Variants in CIB4 observed in about 807,000 individuals in gnomAD.
CIB4 encodes the protein calcium and integrin binding family member 4.
In CIB4, 25 loss-of-function variants were observed where a neutral mutation model predicts 25.8. The ratio of observed to expected loss-of-function variants is 0.97; its 90% CI spans 0.71 to 1.35. The LOEUF (loss-of-function observed/expected upper bound fraction) is 1.35. Ranked by LOEUF, CIB4 falls within the 40% of genes most tolerant of loss-of-function variation. CIB4 has a pLI of 0.00. For missense variants in CIB4, 235 were observed against 228.2 expected (o/e 1.03, Z -0.19); for synonymous variants, 75 against 81.4 (o/e 0.92, Z 0.42).
chr2:26,611,747 GC>G (rs1668999485), intron 3 of CIB4, among the ~76,000 whole-genome samples: 1 of 152,220 alleles, frequency 6.6e-6, no homozygotes, highest in Admixed American at 6.5e-5. Flanking sequence ...TTAATGTCCA[GC>G]CATGAGGAGA....
At chr2:26,589,039 T>TTCCTCTTCC (rs1668517790) in intron 4 of CIB4, among the ~76,000 whole-genome samples, 2 of 45,696 alleles carry the variant, frequency 4.4e-5, no homozygotes, top group African/African-American at 1.9e-4. Flanking sequence ...CTTCTTCTTC[T>TTCCTCTTCC]TCTTCTTCTT....
At chr2:26,629,125 T>C (rs1420941442) in intron 3 of CIB4, among the ~76,000 whole-genome samples, 1 of 152,112 alleles carries the variant, frequency 6.6e-6, no homozygotes, top group African/African-American at 2.4e-5. Flanking sequence ...CTGGAGCAGG[T>C]CTCATGCCCC....
chr2:26,624,846 A>G (rs188647802), intron 3 of CIB4, among the ~76,000 whole-genome samples: 2 of 151,448 alleles, frequency 1.3e-5, no homozygotes, highest in Non-Finnish European at 2.9e-5. Flanking sequence ...TGGTGTATAT[A>G]TATATATATT....
At chr2:26,597,160 A>G (rs958307500) in intron 3 of CIB4, among the ~76,000 whole-genome samples, 3 of 152,236 alleles carry the variant, frequency 2.0e-5, no homozygotes, top group African/African-American at 7.2e-5. Context: ...ACCTGGAAAT[A>G]TAGAAACAGA....
intron 3 of CIB4, among the ~76,000 whole-genome samples, chr2:26,604,888 G>A (rs1408351580): frequency 1.3e-5 from 2 of 152,116 alleles, no homozygotes; most frequent in Admixed American, 6.6e-5. Flanking sequence ...AAATCATTAA[G>A]GATATGAAAG....
At chr2:26,596,612 T>A (rs180867953) in intron 3 of CIB4, among the ~76,000 whole-genome samples, 2 of 152,124 alleles carry the variant, frequency 1.3e-5, no homozygotes, top group African/African-American at 4.8e-5. Flanking sequence ...CCGGGCGTGG[T>A]CGCGCATGCC....
At chr2:26,587,150 C>T (rs1668472942) in intron 4 of CIB4, among the ~76,000 whole-genome samples, 1 of 151,652 alleles carries the variant, frequency 6.6e-6, no homozygotes, top group Non-Finnish European at 1.5e-5. Context: ...ACTAAAAATA[C>T]AAAAAATTAG....
At chr2:26,639,390 C>T (rs1017546313) in intron 2 of CIB4, among the ~76,000 whole-genome samples, 1 of 151,446 alleles carries the variant, frequency 6.6e-6, no homozygotes, top group African/African-American at 2.4e-5. Context: ...TGTTCCCCTC[C>T]CTGTGTCCAT....
intron 3 of CIB4, among the ~76,000 whole-genome samples, chr2:26,597,335 A>C (rs1668699189): frequency 6.6e-6 from 1 of 152,134 alleles, no homozygotes; most frequent in African/African-American, 2.4e-5. Context: ...GAAAGCTTTT[A>C]ATTGGTGAAT....
At chr2:26,595,895 GCGCACA>G (rs1402493842) in intron 3 of CIB4, among the ~76,000 whole-genome samples, 3,167 of 148,516 alleles carry the variant, frequency 0.021, 121 homozygotes, top group African/African-American at 0.075. Context: ...ACTTATCTGC[GCGCACA>G]CACACACACA....
intron 3 of CIB4, among the ~76,000 whole-genome samples, chr2:26,620,012 C>T (rs1472831051): frequency 6.7e-6 from 1 of 149,844 alleles, no homozygotes; most frequent in African/African-American, 2.5e-5. Context: ...TCCCGGAATC[C>T]CCTACAGACT....
intron 4 of CIB4, among the ~76,000 whole-genome samples, chr2:26,591,292 G>C (rs1668581439): frequency 6.6e-6 from 1 of 152,236 alleles, no homozygotes; most frequent in Non-Finnish European, 1.5e-5. Flanking sequence ...GAAAACAGAA[G>C]GGAGAAACAG....
intron 4 of CIB4, among the ~76,000 whole-genome samples, chr2:26,592,337 G>T (rs1296055791): frequency 6.6e-6 from 1 of 152,224 alleles, no homozygotes; most frequent in Non-Finnish European, 1.5e-5. Context: ...CAACTCCCTG[G>T]ATGCATTGGG....
chr2:26,634,743 G>GCCATGGAGT (rs1294075528), intron 2 of CIB4, among the ~76,000 whole-genome samples: 1 of 152,212 alleles, frequency 6.6e-6, no homozygotes, highest in Non-Finnish European at 1.5e-5. Flanking sequence ...CCAGGACAGG[G>GCCATGGAGT]CCATGGAGTC....
chr2:26,589,976 A>G (rs1668554788), intron 4 of CIB4, among the ~76,000 whole-genome samples: 1 of 152,192 alleles, frequency 6.6e-6, no homozygotes, highest in South Asian at 2.1e-4. Flanking sequence ...GACTGTTGGC[A>G]GAACAGGAAG....
intron 4 of CIB4, among the ~76,000 whole-genome samples, chr2:26,584,876 G>T (rs944373239): frequency 6.6e-6 from 1 of 152,132 alleles, no homozygotes; most frequent in Admixed American, 6.5e-5. Flanking sequence ...ACTGACTCCC[G>T]TGTGTGCCGG....
intron 4 of CIB4, among the ~76,000 whole-genome samples, chr2:26,585,671 C>T (rs558691704): frequency 2.0e-5 from 3 of 152,196 alleles, no homozygotes; most frequent in Non-Finnish European, 1.5e-5. Flanking sequence ...GATTAAATAA[C>T]CCTACTTACC....
intron 2 of CIB4, among the ~76,000 whole-genome samples, chr2:26,633,428 T>G (rs985923854): frequency 6.6e-6 from 1 of 152,084 alleles, no homozygotes; most frequent in Non-Finnish European, 1.5e-5. Flanking sequence ...GGCTGAACCC[T>G]AAACCAAGTT....
chr2:26,633,144 A>C (rs1253203346), intron 2 of CIB4, among the ~76,000 whole-genome samples: 1 of 152,220 alleles, frequency 6.6e-6, no homozygotes, highest in Non-Finnish European at 1.5e-5. Context: ...ACAGTGGTAA[A>C]TGTTAAAGCC....
Sources: allele counts gnomAD v4.1 joint callset (sites outside exome capture counted in the v4.1 genomes callset), GRCh38; gene constraint gnomAD v4.1.1; transcripts MANE v1.5; gene names NCBI Gene and HGNC (gene_info 2026-07-23, HGNC 2026-07-21).